GFOD1: variants seen among roughly 807,000 people sequenced by gnomAD.
GFOD1 encodes Gfo/Idh/MocA-like oxidoreductase domain containing 1.
In GFOD1, 9 loss-of-function variants were observed where a neutral mutation model predicts 25.4. The observed-to-expected ratio is 0.35, with a 90% CI of 0.21 to 0.62. GFOD1 has a LOEUF of 0.62. Among genes scored for constraint, GFOD1 ranks in the 20% least tolerant of loss-of-function variants. The probability of loss-of-function intolerance (pLI) is 0.72; values close to 1 mark genes in which losing one functional copy is unlikely to be tolerated. For missense variants in GFOD1, 403 were observed against 556.9 expected (o/e 0.72, Z 2.78); for synonymous variants, 253 against 245.6 (o/e 1.03, Z -0.28).
chr6:13,381,945 A>ACG (rs1562199133), intron 1 of GFOD1, among the ~76,000 whole-genome samples: 5 of 151,426 alleles, frequency 3.3e-5, no homozygotes, highest in Non-Finnish European at 5.9e-5. Flanking sequence ...ACACACACAC[A>ACG]CACACACAAA....
chr6:13,461,306 T>C (rs918051308), intron 1 of GFOD1, among the ~76,000 whole-genome samples: 1 of 152,210 alleles, frequency 6.6e-6, no homozygotes, highest in African/African-American at 2.4e-5. Flanking sequence ...TGTAGTGTCA[T>C]TGAGCCAGAG....
intron 1 of GFOD1, among the ~76,000 whole-genome samples, chr6:13,478,845 C>T (rs1013169630): frequency 6.6e-6 from 1 of 152,094 alleles, no homozygotes. Flanking sequence ...TTCTGGTTTC[C>T]AGGTATCTAC....
chr6:13,447,336 T>G (rs796543704), intron 1 of GFOD1, among the ~76,000 whole-genome samples: 1 of 152,230 alleles, frequency 6.6e-6, no homozygotes, highest in South Asian at 2.1e-4. Context: ...GCTCTCTCTG[T>G]GTGTCTATGT....
In GFOD1 at chr6:13,361,890, A is replaced by G. The variant is rs1258170542; in HGVS notation, c.*2853T>C. The G allele has an allele frequency of 7.2e-5, 11 of 152,144 alleles. No individual in the cohort carries two copies. Among genetic ancestry groups the G allele is most frequent in the Admixed American group, 7.2e-4 (11 of 15,274 alleles). The allele number at this position is 152,144 out of a possible 1,614,324, so 9.4% of individuals were successfully genotyped here. A position where few individuals can be genotyped will look rare whatever the true frequency, so the allele number is the denominator to read the frequency against. ...TTTTTGTTTTAGACATTAAATATGT[A>G]TTACAGAGCTTAGAGGCCTTTGTGG... On this transcript the variant is annotated 3_prime_UTR_variant, in exon 2 of 2. Coordinates refer to ENST00000379287, the MANE Select transcript of GFOD1 (RefSeq NM_018988.4).
Position 13,486,991 on chromosome 6 carries a change from A to G in GFOD1, c.-101T>C, listed in dbSNP as rs1758887670. The stretch of plus-strand genomic sequence containing the variant: ...GTCCTGCACCCCGCTCCTGTAGCCA[A>G]TCTAGCCGCGGTGCGCCAGCCGCCG... On this transcript the variant is annotated 5_prime_UTR_variant, in exon 1 of 2. Transcript: ENST00000379287. 2.8e-6 allele frequency: 4 copies of G among 1,408,062 alleles called. No homozygotes were observed. Among genetic ancestry groups the G allele is most frequent in the Non-Finnish European group, 3.8e-6 (4 of 1,053,594 alleles). 87.2% of individuals were successfully genotyped at this position (1,408,062 alleles called of 1,614,324 possible).
chr6:13,394,466 A>ATTTTTTTTTTTTTTT (rs70989855), intron 1 of GFOD1, among the ~76,000 whole-genome samples: 5 of 75,924 alleles, frequency 6.6e-5, no homozygotes, highest in African/African-American at 2.7e-4. Flanking sequence ...TACCCTTTGA[A>ATTTTTTTTTTTTTTT]TTTTTTTTTT....
chr6:13,388,843 A>G (rs922290565), intron 1 of GFOD1, among the ~76,000 whole-genome samples: 4 of 152,262 alleles, frequency 2.6e-5, no homozygotes, highest in African/African-American at 9.6e-5. Context: ...AGAATGGGAA[A>G]AAATTTTTGA....
chr6:13,392,343 CAAAAAAAAAAA>C lies in GFOD1; in HGVS notation c.254-26692_254-26682del, dbSNP rs1035923592. Among the ~76,000 whole-genome samples, 347 of 61,528 alleles carry C rather than the reference CAAAAAAAAAAA, an allele frequency of 5.6e-3. 3 individuals are homozygous for C. Among genetic ancestry groups the C allele is most frequent in the African/African-American group, 0.019 (333 of 17,392 alleles). 40.4% of individuals were successfully genotyped at this position (61,528 alleles called of 152,430 possible). A position where few individuals can be genotyped will look rare whatever the true frequency, so the allele number is the denominator to read the frequency against. On this transcript the variant is annotated intron_variant, in intron 1 of 1. Transcript: ENST00000379287. ...TGGGTGACAAAGCCAGACCCTATCT[CAAAAAAAAAAA>C]AAAAAAAAAGAAAAGAGAAAAAAGA... is the stretch of plus-strand genomic sequence containing the variant.
chr6:13,426,410 A>C (rs1266239032), intron 1 of GFOD1, among the ~76,000 whole-genome samples: 14 of 152,214 alleles, frequency 9.2e-5, no homozygotes. Context: ...CATCTGGGCC[A>C]CAAGGGAAAT....
chr6:13,386,970 C>T (rs894458176), intron 1 of GFOD1, among the ~76,000 whole-genome samples: 10 of 152,164 alleles, frequency 6.6e-5, no homozygotes, highest in African/African-American at 2.2e-4. Context: ...ATCCTCATTA[C>T]CAGCCTCCAT....
At chr6:13,408,986 G>A (rs1695426538) in intron 1 of GFOD1, among the ~76,000 whole-genome samples, 1 of 151,728 alleles carries the variant, frequency 6.6e-6, no homozygotes. Flanking sequence ...TTGCAAGGCT[G>A]AGGCAGGACA....
intron 1 of GFOD1, among the ~76,000 whole-genome samples, chr6:13,382,769 G>C (rs1486489734): frequency 6.6e-6 from 1 of 152,128 alleles, no homozygotes; most frequent in African/African-American, 2.4e-5. Context: ...TCATCGCCTA[G>C]GTATTAAGCC....
At chr6:13,479,186 C>G (rs1464979780) in intron 1 of GFOD1, among the ~76,000 whole-genome samples, 1 of 152,056 alleles carries the variant, frequency 6.6e-6, no homozygotes, top group African/African-American at 2.4e-5. Context: ...AAGAACTACT[C>G]ACTTAAAAAT....
At chr6:13,396,353 G>A (rs1435808057) in intron 1 of GFOD1, among the ~76,000 whole-genome samples, 1 of 152,160 alleles carries the variant, frequency 6.6e-6, no homozygotes, top group Admixed American at 6.6e-5. Context: ...TTTGAACTTG[G>A]CTCTGAGGGG....
chr6:13,382,424 A>C (rs1282216183), intron 1 of GFOD1, among the ~76,000 whole-genome samples: 1 of 151,924 alleles, frequency 6.6e-6, no homozygotes, highest in Non-Finnish European at 1.5e-5. Flanking sequence ...TTATAAAGAG[A>C]AGTTCCCCTG....
rs2127581075 is a variant in GFOD1, at chr6:13,487,455, G to A, written c.-565C>T. The A allele has an allele frequency of 6.6e-6, 1 of 152,246 alleles. No individual in the cohort carries two copies. Among genetic ancestry groups the A allele is most frequent in the East Asian group, 1.9e-4 (1 of 5,158 alleles). 9.4% of individuals were successfully genotyped at this position (152,246 alleles called of 1,614,324 possible). A position where few individuals can be genotyped will look rare whatever the true frequency, so the allele number is the denominator to read the frequency against. On this transcript the variant is annotated 5_prime_UTR_variant, in exon 1 of 2. Transcript: ENST00000379287. The surrounding 1 kb of genome is among the most constrained non-coding windows in gnomAD (Gnocchi z 4.9). ...CGCGGCCGCCAGGAGGCCGGCTAAGGATGCGGCCCGGAGCGCGCCGGACTG... is the reference window on the plus strand; with the variant it reads ...CGCGGCCGCCAGGAGGCCGGCTAAGAATGCGGCCCGGAGCGCGCCGGACTG...
At chr6:13,455,222 C>A (rs1041279646) in intron 1 of GFOD1, among the ~76,000 whole-genome samples, 2 of 152,086 alleles carry the variant, frequency 1.3e-5, no homozygotes, top group African/African-American at 4.8e-5. Context: ...CAGAGAGGTG[C>A]GGGGTGGGTC....
At chr6:13,386,383 C>T (rs1463660243) in intron 1 of GFOD1, among the ~76,000 whole-genome samples, 1 of 152,186 alleles carries the variant, frequency 6.6e-6, no homozygotes, top group Non-Finnish European at 1.5e-5. Context: ...TAGGTGAAAG[C>T]TGACTCCAGG....
At position 13,381,915 on chromosome 6, in the gene GFOD1, G is replaced by GCACA. The variant is rs112808546; in HGVS notation, c.254-16257_254-16254dup. Among the ~76,000 whole-genome samples the GCACA allele has an allele frequency of 9.5e-3, 1,326 of 140,108 alleles. 6 individuals are homozygous for GCACA. The highest frequency in any genetic ancestry group is 0.018 in the South Asian group (83 of 4,554). 91.9% of individuals were successfully genotyped at this position (140,108 alleles called of 152,430 possible). A position where few individuals can be genotyped will look rare whatever the true frequency, so the allele number is the denominator to read the frequency against. On this transcript the variant is annotated intron_variant, in intron 1 of 1. Transcript: ENST00000379287. The stretch of plus-strand genomic sequence containing the variant: ...AGAAATAAAACACACACGCGCGCGC[G>GCACA]CACACACACACACACACACACACAC...
Sources: allele counts gnomAD v4.1 joint callset (sites outside exome capture counted in the v4.1 genomes callset), GRCh38; gene constraint gnomAD v4.1.1; non-coding constraint Gnocchi (gnomAD v3.1); transcripts MANE v1.5; gene names NCBI Gene and HGNC (gene_info 2026-07-23, HGNC 2026-07-21).